The following ESR2 variants were observed in gnomAD, a reference collection of about 807,000 sequenced individuals.
ESR2 encodes estrogen receptor 2.
In ESR2, 36 loss-of-function variants were observed where a neutral mutation model predicts 49.6. The observed-to-expected ratio is 0.73, with a 90% CI of 0.56 to 0.96. The LOEUF (loss-of-function observed/expected upper bound fraction) is 0.96, where lower values mean the gene tolerates loss of function less well. ESR2 is among the 40% of genes least tolerant of loss of function. The pLI, the probability that ESR2 is intolerant of heterozygous loss-of-function variation, is 0.00. For synonymous variants in ESR2, 320 were observed against 266.1 expected (o/e 1.20, Z -1.97); for missense variants, 714 against 693.0 (o/e 1.03, Z -0.34).
chr14:64,280,488 A>G (rs1440776593), intron 2 of ESR2, among the ~76,000 whole-genome samples: 1 of 152,204 alleles, frequency 6.6e-6, no homozygotes, highest in East Asian at 1.9e-4. Context: ...GAGTGGCCAG[A>G]TCAAATCTTA....
At chr14:64,239,590 G>C (rs1378360741) in intron 7 of ESR2, among the ~76,000 whole-genome samples, 2 of 152,120 alleles carry the variant, frequency 1.3e-5, no homozygotes, top group South Asian at 4.1e-4. Flanking sequence ...CTATCCAAGG[G>C]AGGATTTGGG....
At chr14:64,240,366 C>G (rs976476670) in intron 7 of ESR2, among the ~76,000 whole-genome samples, 1 of 152,198 alleles carries the variant, frequency 6.6e-6, no homozygotes, top group Non-Finnish European at 1.5e-5. Flanking sequence ...AAGTTCGCAG[C>G]CTTTTGACTT....
chr14:64,233,600 C>G (rs951854273), intron 8 of ESR2: 2 of 391,146 alleles, frequency 5.1e-6, no homozygotes, highest in East Asian at 4.1e-5. Context: ...AATTATGTTC[C>G]GTAAAGTCAC....
At chr14:64,272,440 T>C (rs373735482) in intron 3 of ESR2, among the ~76,000 whole-genome samples, 22 of 152,350 alleles carry the variant, frequency 1.4e-4, no homozygotes, top group African/African-American at 5.1e-4. Context: ...TGCCTGTGCT[T>C]GTGTGGTATT....
intron 6 of ESR2, among the ~76,000 whole-genome samples, chr14:64,253,728 T>TA (rs2076040592): frequency 1.3e-5 from 2 of 152,084 alleles, no homozygotes; most frequent in Non-Finnish European, 2.9e-5. Context: ...AATTGGGAAT[T>TA]GAAAATTCGG....
chr14:64,268,329 C>T (rs1036299266), intron 4 of ESR2, among the ~76,000 whole-genome samples: 4 of 152,168 alleles, frequency 2.6e-5, no homozygotes, highest in Admixed American at 6.5e-5. Context: ...GAAAGCTAGA[C>T]GAGGGGATAG....
intron 1 of ESR2, among the ~76,000 whole-genome samples, chr14:64,291,572 T>C (rs2076870614): frequency 6.6e-6 from 1 of 152,166 alleles, no homozygotes; most frequent in Non-Finnish European, 1.5e-5. Context: ...TACCTACCAA[T>C]AACAGGCTCC....
intron 1 of ESR2, among the ~76,000 whole-genome samples, chr14:64,306,202 CAAAAAAAAAGAA>C (rs376830892): frequency 1.3e-4 from 16 of 122,894 alleles, no homozygotes; most frequent in African/African-American, 4.3e-4. Context: ...AACTCCATCT[CAAAAAAAAAGAA>C]AAAAAAAAAG....
chr14:64,252,759 A>C (rs777559456), intron 6 of ESR2, among the ~76,000 whole-genome samples: 1 of 151,540 alleles, frequency 6.6e-6, no homozygotes, highest in Non-Finnish European at 1.5e-5. Flanking sequence ...TGATCCAATC[A>C]CTCCCACCAG....
At chr14:64,326,017 C>T (rs1596496568) in intron 1 of ESR2, among the ~76,000 whole-genome samples, 1 of 151,038 alleles carries the variant, frequency 6.6e-6, no homozygotes, top group East Asian at 1.9e-4. Context: ...TATCCCCTAA[C>T]CCCAGATTAT....
chr14:64,243,469 G>A (rs540098855), intron 7 of ESR2, among the ~76,000 whole-genome samples: 15 of 152,296 alleles, frequency 9.8e-5, no homozygotes, highest in African/African-American at 2.6e-4. Flanking sequence ...ACAAACCTTC[G>A]ATTTGTAAAA....
rs2098725231 is a variant in ESR2 at position 64,229,426 on chromosome 14, C to G, written c.*3711G>C. ...TTGCCCCCGTGGGCTTTAATTTACA[C>G]AGATATGAAAGGTGGAGTTGAACTT... On this transcript the variant is annotated 3_prime_UTR_variant, in exon 9 of 9. Transcript: ENST00000341099. Among the ~76,000 whole-genome samples the G allele has an allele frequency of 6.6e-6, 1 of 152,020 alleles. No individual in the cohort carries two copies. The highest frequency in any genetic ancestry group is 2.4e-5 in the African/African-American group (1 of 41,382).
chr14:64,283,557 G>A (rs570791092), intron 1 of ESR2, among the ~76,000 whole-genome samples: 2 of 151,850 alleles, frequency 1.3e-5, no homozygotes, highest in East Asian at 3.9e-4. Context: ...TCAGGAGTTC[G>A]AGACCAGCCT....
intron 1 of ESR2, among the ~76,000 whole-genome samples, chr14:64,306,158 C>T (rs918391908): frequency 1.3e-5 from 2 of 150,768 alleles, no homozygotes; most frequent in Non-Finnish European, 2.9e-5. Context: ...AGCTGAGATC[C>T]GCCATTGCAC....
intron 7 of ESR2, among the ~76,000 whole-genome samples, chr14:64,242,970 T>C (rs1195020754): frequency 6.6e-6 from 1 of 152,194 alleles, no homozygotes; most frequent in African/African-American, 2.4e-5. Flanking sequence ...GAAACTCCCA[T>C]TTTTATATAA....
chr14:64,316,937 G>A (rs995894619), intron 1 of ESR2, among the ~76,000 whole-genome samples: 1 of 152,160 alleles, frequency 6.6e-6, no homozygotes, highest in Admixed American at 6.6e-5. Context: ...ATGATAAAGT[G>A]GGGTTGTATT....
intron 7 of ESR2, among the ~76,000 whole-genome samples, chr14:64,240,802 T>C (rs2075706228): frequency 6.6e-6 from 1 of 152,184 alleles, no homozygotes; most frequent in Non-Finnish European, 1.5e-5. Flanking sequence ...TTATATTAGA[T>C]GATTTTGCCC....
intron 5 of ESR2, among the ~76,000 whole-genome samples, chr14:64,258,528 G>C (rs1162703518): frequency 6.6e-6 from 1 of 152,140 alleles, no homozygotes; most frequent in Admixed American, 6.5e-5. Context: ...TAGGAAAATG[G>C]GGGTAACAAT....
At chr14:64,279,047 T>A (rs1292271718) in intron 3 of ESR2, among the ~76,000 whole-genome samples, 2 of 152,196 alleles carry the variant, frequency 1.3e-5, no homozygotes, top group East Asian at 3.8e-4. Context: ...AAAACCTTGG[T>A]CTCCACAATC....
Sources: gnomAD v4.1 joint callset for allele counts (sites outside exome capture counted in the v4.1 genomes callset) on GRCh38, gnomAD v4.1.1 for gene constraint, MANE v1.5 for transcripts, NCBI Gene and HGNC (gene_info 2026-07-23, HGNC 2026-07-21) for gene names.